CSPP1: variants seen among roughly 807,000 people sequenced by gnomAD.
CSPP1 encodes the protein centrosome and spindle pole associated protein 1, also known as centrosome and spindle pole-associated protein 1.
In CSPP1, 126 loss-of-function variants were observed where a neutral mutation model predicts 164.4. That is an observed-to-expected ratio of 0.77 (90% CI 0.66 to 0.89). The LOEUF is 0.89. Ranked by LOEUF, CSPP1 falls within the 40% of genes least tolerant of loss-of-function variation. The pLI is 0.00. For missense variants in CSPP1, 1,395 were observed against 1,449.8 expected, an observed-to-expected ratio of 0.96 and a Z score of 0.61; for synonymous variants, 472 against 476.7, an observed-to-expected ratio of 0.99 and a Z score of 0.13.
At position 67,074,193 on chromosome 8, in the gene CSPP1, G is replaced by A. The variant is rs186724611; in HGVS notation, c.-10-50G>A. 58 of 1,034,486 alleles carry A rather than the reference G, an allele frequency of 5.6e-5. No homozygotes were observed. In the East Asian group the frequency reaches 1.3e-3, roughly 22 times the overall value. 64.1% of individuals were successfully genotyped at this position (1,034,486 alleles called of 1,614,324 possible). On this transcript the variant is annotated intron_variant, in intron 1 of 30. Transcript: ENST00000678616. ...GACTAAGCCTACATGTTGATAATTA[G>A]GCTAAAAATACTGTGATATAGATAC...
intron 26 of CSPP1, 144 bp downstream of exon 26, chr8:67,175,580 AC>A: frequency 1.1e-6 from 1 of 911,236 alleles, no homozygotes; most frequent in Non-Finnish European, 1.8e-6. Context: ...GGTCTGTAGT[AC>A]CAGAAAAGAA....
intron 30 of CSPP1, among the ~76,000 whole-genome samples, 194 bp from the exon 31 acceptor site, chr8:67,195,188 G>T (rs950760349): frequency 6.6e-6 from 1 of 152,092 alleles, no homozygotes; most frequent in Non-Finnish European, 1.5e-5. Context: ...ATTGGCCTTT[G>T]TGGGCCCACT....
intron 3 of CSPP1, chr8:67,084,334 T>C (rs1476983598): frequency 1.3e-5 from 2 of 152,186 alleles, no homozygotes; most frequent in Non-Finnish European, 2.9e-5. Flanking sequence ...CCAGTGTTGA[T>C]AGCGGTAAGT....
intron 1 of CSPP1, 124 bp downstream of exon 1, chr8:67,064,662 G>C (rs955276946): frequency 3.4e-5 from 17 of 495,576 alleles, no homozygotes; most frequent in Non-Finnish European, 4.7e-5. Flanking sequence ...GGCCGGCGAC[G>C]TGCCAGAGTT....
chr8:67,164,492 G>A lies in CSPP1; in HGVS notation c.2812G>A (p.Asp938Asn), dbSNP rs1402959828. ...QERLLHMDSD[D>N]EIPIRKKERN... ...GCGATTGCTACACATGGACAGTGAT[G>A]ATGAAATTCCTATCAGGCAAGTTTA... Residue 938 changes from aspartate (D) to asparagine (N), a missense_variant, in exon 24 of 31, where the codon GAT becomes AAT. Physicochemically the swap from Asp to Asn is conservative, Grantham distance 23 (BLOSUM62 1). Coordinates refer to ENST00000678616, the MANE Select transcript of CSPP1 (RefSeq NM_001382391.1). 4 of 1,551,868 alleles carry A rather than the reference G, an allele frequency of 2.6e-6. No homozygotes were observed. In the African/African-American group the frequency reaches 5.4e-5, roughly 21 times the overall value.
chr8:67,128,846 T>A (rs1361792401), intron 15 of CSPP1, among the ~76,000 whole-genome samples: 1 of 152,214 alleles, frequency 6.6e-6, no homozygotes, highest in Admixed American at 6.5e-5. Context: ...CTTTGTAGCC[T>A]GATTGCCTTG....
At chr8:67,070,794 C>A (rs1000180633) in intron 1 of CSPP1, among the ~76,000 whole-genome samples, 7 of 151,112 alleles carry the variant, frequency 4.6e-5, no homozygotes, top group Non-Finnish European at 1.5e-5. Context: ...GTTGCCCAGG[C>A]TGGAGTACAG....
At chr8:67,094,210 A>G (rs1185824155) in intron 6 of CSPP1, among the ~76,000 whole-genome samples, 1 of 146,668 alleles carries the variant, frequency 6.8e-6, no homozygotes, top group South Asian at 2.2e-4. Context: ...TTGAGAATTT[A>G]ATTTGAAATA....
At chr8:67,159,919 TCTTTCCTTTCCTTC>T (rs1827701608) in intron 21 of CSPP1, among the ~76,000 whole-genome samples, 5 of 59,336 alleles carry the variant, frequency 8.4e-5, no homozygotes, top group African/African-American at 2.8e-4. Context: ...TTTCTTTCTT[TCTTTCCTTTCCTTC>T]CTTCCTTCCT....
At chr8:67,171,382 A>G (rs1830436231) in intron 24 of CSPP1, among the ~76,000 whole-genome samples, 1 of 151,332 alleles carries the variant, frequency 6.6e-6, no homozygotes, top group African/African-American at 2.4e-5. Flanking sequence ...GCCTGGCAAG[A>G]GAGCGAGACT....
At chr8:67,088,416 T>G (rs1019408551) in intron 4 of CSPP1, among the ~76,000 whole-genome samples, 4 of 151,354 alleles carry the variant, frequency 2.6e-5, no homozygotes, top group Non-Finnish European at 5.9e-5. Flanking sequence ...GCTCCCGGAG[T>G]AGCTGGAACT....
intron 17 of CSPP1, among the ~76,000 whole-genome samples, chr8:67,147,691 G>A (rs1287843100): frequency 6.6e-6 from 1 of 151,606 alleles, no homozygotes. Flanking sequence ...TGTATCCTCC[G>A]AGATGCTGTC....
intron 15 of CSPP1, among the ~76,000 whole-genome samples, chr8:67,124,190 C>T (rs975432028): frequency 2.6e-5 from 4 of 152,180 alleles, no homozygotes; most frequent in African/African-American, 9.7e-5. Context: ...TGAGCCACCG[C>T]ACCCGGCCTA....
intron 26 of CSPP1, 62 bp downstream of exon 26, chr8:67,175,498 G>A: frequency 6.3e-7 from 1 of 1,579,400 alleles, no homozygotes; most frequent in South Asian, 1.1e-5. Context: ...TAGGCTTTCT[G>A]CATCTCTTCT....
At chr8:67,125,626 T>G (rs1487589999) in intron 15 of CSPP1, among the ~76,000 whole-genome samples, 1 of 152,220 alleles carries the variant, frequency 6.6e-6, no homozygotes, top group Non-Finnish European at 1.5e-5. Flanking sequence ...TCATTTTTCT[T>G]CAGTCTTTTT....
At chr8:67,086,868 C>A in intron 4 of CSPP1, 1 of 1,316,888 alleles carries the variant, frequency 7.6e-7, no homozygotes, top group Middle Eastern at 2.1e-4. Flanking sequence ...TGCAATACGT[C>A]CTCCTTCAGT....
chr8:67,190,528 T>C (rs570841430), intron 28 of CSPP1, 122 bp from the exon 29 acceptor site: 1 of 705,754 alleles, frequency 1.4e-6, no homozygotes, highest in East Asian at 2.5e-5. Context: ...TGTATGTACA[T>C]ACATTGAGTG....
chr8:67,192,075 T>G (rs572629914), intron 29 of CSPP1, among the ~76,000 whole-genome samples: 41 of 134,768 alleles, frequency 3.0e-4, no homozygotes, highest in East Asian at 1.3e-3. Flanking sequence ...TGTTTTTTTT[T>G]TTGTTTTTTT....
chr8:67,084,396 C>T (rs1330793882), intron 3 of CSPP1: 1 of 152,172 alleles, frequency 6.6e-6, no homozygotes, highest in Non-Finnish European at 1.5e-5. Flanking sequence ...GTTTATATTA[C>T]ACTGGCCTTT....
Sources: allele counts gnomAD v4.1 joint callset (sites outside exome capture counted in the v4.1 genomes callset), GRCh38; gene constraint gnomAD v4.1.1; transcripts MANE v1.5; gene names NCBI Gene and HGNC (gene_info 2026-07-23, HGNC 2026-07-21).